CNTN5: variants seen among roughly 807,000 people sequenced by gnomAD.
CNTN5 encodes the protein contactin 5.
CNTN5 carries 77 observed loss-of-function variants against 129.1 expected under a neutral mutation model. That is an observed-to-expected ratio of 0.60 (90% confidence interval 0.50 to 0.72). The LOEUF (loss-of-function observed/expected upper bound fraction) is 0.72. CNTN5 is among the 30% of genes least tolerant of loss of function. The pLI is 0.00. For missense variants in CNTN5, 1,478 were observed against 1,328.8 expected (o/e 1.11, Z -1.75); for synonymous variants, 509 against 465.6 (o/e 1.09, Z -1.20).
At chr11:99,844,410 G>T (rs376036792) in intron 4 of CNTN5, among the ~76,000 whole-genome samples, 39 of 152,110 alleles carry the variant, frequency 2.6e-4, no homozygotes, top group African/African-American at 9.2e-4. Flanking sequence ...AAATGCAAGA[G>T]GACTAATATT....
intron 1 of CNTN5, among the ~76,000 whole-genome samples, chr11:99,177,894 T>C (rs1279447354): frequency 1.3e-5 from 2 of 152,202 alleles, no homozygotes; most frequent in Non-Finnish European, 2.9e-5. Flanking sequence ...AGAAATTCTA[T>C]AGAGTTCAGA....
intron 6 of CNTN5, among the ~76,000 whole-genome samples, chr11:99,881,558 T>C (rs1177598935): frequency 2.6e-5 from 4 of 152,170 alleles, no homozygotes; most frequent in African/African-American, 9.7e-5. Flanking sequence ...ATACAATATG[T>C]CAAAAGGGAT....
At chr11:99,749,778 A>C (rs1944171212) in intron 3 of CNTN5, among the ~76,000 whole-genome samples, 2 of 152,072 alleles carry the variant, frequency 1.3e-5, no homozygotes, top group South Asian at 2.1e-4. Context: ...AGTCTATTTT[A>C]GTTATATATT....
intron 9 of CNTN5, among the ~76,000 whole-genome samples, chr11:100,040,638 G>T (rs1056548286): frequency 2.6e-5 from 4 of 152,068 alleles, no homozygotes; most frequent in Non-Finnish European, 4.4e-5. Context: ...CTTCCTGGCC[G>T]CTTTGTTTAC....
At chr11:99,302,126 G>C (rs990477720) in intron 1 of CNTN5, among the ~76,000 whole-genome samples, 1 of 151,224 alleles carries the variant, frequency 6.6e-6, no homozygotes, top group Non-Finnish European at 1.5e-5. Flanking sequence ...TATTAAAAAA[G>C]ATGAAAGATC....
intron 3 of CNTN5, among the ~76,000 whole-genome samples, chr11:99,797,299 C>T (rs1016425413): frequency 3.3e-5 from 5 of 152,060 alleles, no homozygotes; most frequent in Non-Finnish European, 7.4e-5. Flanking sequence ...AATGGTAGTT[C>T]TGGTTTAAGT....
chr11:99,480,859 A>G (rs747257871), intron 2 of CNTN5, among the ~76,000 whole-genome samples: 7 of 152,078 alleles, frequency 4.6e-5, no homozygotes, highest in Non-Finnish European at 8.8e-5. Flanking sequence ...GGCATCTTTT[A>G]CCCTACTAAG....
At chr11:100,119,946 A>C (rs1396737435) in intron 13 of CNTN5, among the ~76,000 whole-genome samples, 1 of 151,960 alleles carries the variant, frequency 6.6e-6, no homozygotes, top group Non-Finnish European at 1.5e-5. Flanking sequence ...CAAAACAAAA[A>C]TTATTTAATG....
intron 3 of CNTN5, among the ~76,000 whole-genome samples, chr11:99,767,111 ATC>A (rs774940204): frequency 1.4e-4 from 22 of 152,048 alleles, no homozygotes; most frequent in Non-Finnish European, 2.8e-4. Context: ...ATATGTCTGC[ATC>A]TCTCTCTCTC....
intron 13 of CNTN5, among the ~76,000 whole-genome samples, chr11:100,136,795 A>G (rs1357108443): frequency 1.3e-5 from 2 of 151,894 alleles, no homozygotes; most frequent in African/African-American, 2.4e-5. Context: ...TGTTAAAAAA[A>G]AAAAATAAAG....
chr11:100,290,948 G>A (rs1411173177), intron 18 of CNTN5, among the ~76,000 whole-genome samples: 1 of 151,656 alleles, frequency 6.6e-6, no homozygotes, highest in African/African-American at 2.4e-5. Context: ...GTGGGCAAAG[G>A]ACATGAACAG....
intron 3 of CNTN5, among the ~76,000 whole-genome samples, chr11:99,620,508 C>CTTTTTT (rs71050006): frequency 5.6e-5 from 6 of 107,026 alleles, no homozygotes; most frequent in East Asian, 2.9e-4. Context: ...TTTTTCTTTT[C>CTTTTTT]TTTTTTTTTT....
intron 13 of CNTN5, among the ~76,000 whole-genome samples, chr11:100,096,248 T>C (rs776806477): frequency 6.6e-6 from 1 of 152,092 alleles, no homozygotes; most frequent in Non-Finnish European, 1.5e-5. Flanking sequence ...AGGCACATTA[T>C]TTAATCTTCC....
chr11:99,610,696 G>A (rs528378172), intron 3 of CNTN5, among the ~76,000 whole-genome samples: 2 of 152,156 alleles, frequency 1.3e-5, no homozygotes, highest in Non-Finnish European at 2.9e-5. Context: ...TCCAGTGGCC[G>A]CATGTTAGGA....
chr11:100,152,380 T>C (rs77392770), intron 13 of CNTN5, among the ~76,000 whole-genome samples: 3,033 of 152,264 alleles, frequency 0.02, 86 homozygotes, highest in African/African-American at 0.07. Flanking sequence ...CCTGACTCCC[T>C]GTTCCAAGCA....
intron 13 of CNTN5, among the ~76,000 whole-genome samples, chr11:100,084,092 G>GTTT (rs1944462099): frequency 6.6e-6 from 1 of 152,122 alleles, no homozygotes; most frequent in African/African-American, 2.4e-5. Context: ...TTAGGAAACA[G>GTTT]TTTATGAATT....
At chr11:100,139,272 A>G (rs1946618411) in intron 13 of CNTN5, among the ~76,000 whole-genome samples, 1 of 152,174 alleles carries the variant, frequency 6.6e-6, no homozygotes, top group Non-Finnish European at 1.5e-5. Context: ...TGCTAGTGAA[A>G]GAAATTGTAG....
At chr11:99,599,535 T>A (rs75932374) in intron 3 of CNTN5, among the ~76,000 whole-genome samples, 2 of 152,186 alleles carry the variant, frequency 1.3e-5, no homozygotes, top group Non-Finnish European at 2.9e-5. Flanking sequence ...GTGTTCTATG[T>A]TGAAGGGCAC....
At chr11:99,928,647 A>T (rs1277057691) in intron 7 of CNTN5, among the ~76,000 whole-genome samples, 1 of 152,158 alleles carries the variant, frequency 6.6e-6, no homozygotes, top group Non-Finnish European at 1.5e-5. Flanking sequence ...GTCTGCACAA[A>T]GCAGCAGGGC....
Sources: allele counts gnomAD v4.1 joint callset (sites outside exome capture counted in the v4.1 genomes callset), GRCh38; gene constraint gnomAD v4.1.1; transcripts MANE v1.5; gene names NCBI Gene and HGNC (gene_info 2026-07-23, HGNC 2026-07-21).